The following ADRA1A variants were observed in gnomAD, a reference collection of about 807,000 sequenced individuals.
ADRA1A encodes the protein alpha-1A adrenergic receptor.
ADRA1A carries 31 observed loss-of-function variants against 29.6 expected under a neutral mutation model. The ratio of observed to expected loss-of-function variants is 1.05; its 90% CI spans 0.79 to 1.41. The LOEUF is 1.41. ADRA1A is among the 40% of genes most tolerant of loss of function. The probability of loss-of-function intolerance (pLI) is 0.00; values close to 1 mark genes in which losing one functional copy is unlikely to be tolerated. For missense variants in ADRA1A, 619 were observed against 601.1 expected, an observed-to-expected ratio of 1.03 and a Z score of -0.31; for synonymous variants, 311 against 254.3, an observed-to-expected ratio of 1.22 and a Z score of -2.12.
chr8:26,812,606 A>G (rs2130546937), intron 2 of ADRA1A, among the ~76,000 whole-genome samples: 1 of 151,172 alleles, frequency 6.6e-6, no homozygotes, highest in South Asian at 2.1e-4. Flanking sequence ...TAATACATCC[A>G]AAAAAGGGAG....
intron 2 of ADRA1A, among the ~76,000 whole-genome samples, chr8:26,790,425 G>C (rs1807733093): frequency 6.6e-6 from 1 of 152,132 alleles, no homozygotes; most frequent in African/African-American, 2.4e-5. Context: ...TAGAAGCAGA[G>C]ATTAGAATAG....
chr8:26,804,821 A>G (rs1356635488), intron 2 of ADRA1A, among the ~76,000 whole-genome samples: 2 of 152,210 alleles, frequency 1.3e-5, no homozygotes, highest in African/African-American at 4.8e-5. Flanking sequence ...GTGAAAAATA[A>G]TAGTAATTAT....
chr8:26,856,577 C>T (rs1813063468), intron 2 of ADRA1A, among the ~76,000 whole-genome samples: 1 of 152,184 alleles, frequency 6.6e-6, no homozygotes, highest in African/African-American at 2.4e-5. Context: ...AAGCCAGCCC[C>T]ACTAAAGTCT....
rs896096585 is a variant in ADRA1A, at chr8:26,821,338, C to T, written c.883+42749G>A. Among the ~76,000 whole-genome samples, 1 of 152,104 alleles carries T rather than the reference C, an allele frequency of 6.6e-6. No individual in the cohort carries two copies. The highest frequency in any genetic ancestry group is 2.4e-5 in the African/African-American group (1 of 41,410). ...GTGAGGGCCTCAGGAAGCATACAGTCATGGTGGAAGGCTAAGGGAGAGCAG... is the reference window on the plus strand; with the variant it reads ...GTGAGGGCCTCAGGAAGCATACAGTTATGGTGGAAGGCTAAGGGAGAGCAG... On this transcript the variant is annotated intron_variant, in intron 2 of 2. Coordinates refer to ENST00000380573, the MANE Select transcript of ADRA1A (RefSeq NM_000680.4). The surrounding 1 kb of genome is among the most constrained non-coding windows in gnomAD (Gnocchi z 5.6).
chr8:26,784,775 A>G (rs1807253846), intron 2 of ADRA1A, among the ~76,000 whole-genome samples: 2 of 152,292 alleles, frequency 1.3e-5, no homozygotes, highest in Middle Eastern at 3.4e-3. Context: ...AAGAATAACT[A>G]AAGAAGAAGG....
intron 2 of ADRA1A, among the ~76,000 whole-genome samples, chr8:26,788,253 T>C (rs2130401192): frequency 6.6e-6 from 1 of 152,246 alleles, no homozygotes; most frequent in African/African-American, 2.4e-5. Flanking sequence ...AAATAATAGG[T>C]GTGTTTCTAC....
Position 26,841,933 on chromosome 8 carries a change from CGTT to C in ADRA1A, c.883+22151_883+22153del, listed in dbSNP as rs747689769. 3.9e-5 allele frequency among the ~76,000 whole-genome samples: 6 copies of C among 152,136 alleles called. No homozygotes were observed. The highest frequency in any genetic ancestry group is 8.8e-5 in the Non-Finnish European group (6 of 68,028). On this transcript the variant is annotated intron_variant, in intron 2 of 2. Transcript: ENST00000380573. The surrounding 1 kb of genome is among the most constrained non-coding windows in gnomAD (Gnocchi z 4.4). ...TGGTGAGTCTCCCACTTTTCCAAAA[CGTT>C]GTGCAAGTTCTGCTTGTTTTTTCTT...
rs1585871437 is a variant in ADRA1A at position 26,865,078 on chromosome 8, C to A, written c.-109G>T. 6.7e-7 allele frequency: 1 copy of A among 1,503,062 alleles called. No homozygotes were observed. Among genetic ancestry groups the A allele is most frequent in the East Asian group, 2.3e-5 (1 of 44,070 alleles). 93.1% of individuals were successfully genotyped at this position (1,503,062 alleles called of 1,614,324 possible). ...ATCAAAAGGTCTCGGCTGGAGGGAG[C>A]CCTGCCAGGTGGGTTTGGCTGGGGG... is the stretch of plus-strand genomic sequence containing the variant. On this transcript the variant is annotated 5_prime_UTR_variant, in exon 2 of 3. Coordinates refer to ENST00000380573, the MANE Select transcript of ADRA1A (RefSeq NM_000680.4). This position sits in a 1 kb window ranked among gnomAD's most constrained non-coding sequence, Gnocchi z 7.6.
Position 26,865,562 on chromosome 8 carries a change from C to G in ADRA1A, c.-593G>C. 1.0e-6 allele frequency: 1 copy of G among 991,650 alleles called. No individual in the cohort carries two copies. Among genetic ancestry groups the G allele is most frequent in the Non-Finnish European group, 1.2e-6 (1 of 833,828 alleles). 61.4% of individuals were successfully genotyped at this position (991,650 alleles called of 1,614,324 possible). ...AGCTGCCCCACCGAAGGCTCCTGCT[C>G]TCTCCAGCTTCTAGGAGCACAGGTC... On this transcript the variant is annotated 5_prime_UTR_variant, in exon 2 of 3. Transcript: ENST00000380573. The surrounding 1 kb of genome is among the most constrained non-coding windows in gnomAD (Gnocchi z 7.6).
intron 2 of ADRA1A, among the ~76,000 whole-genome samples, chr8:26,839,395 T>G (rs1183332857): frequency 6.6e-6 from 1 of 152,124 alleles, no homozygotes; most frequent in Non-Finnish European, 1.5e-5. Flanking sequence ...CCTGACCTTG[T>G]GATCCACCTG....
intron 2 of ADRA1A, among the ~76,000 whole-genome samples, chr8:26,844,783 C>G (rs1359961014): frequency 6.6e-6 from 1 of 152,124 alleles, no homozygotes; most frequent in East Asian, 1.9e-4. Context: ...GAAACTATAA[C>G]TCTTAGGAGA....
chr8:26,759,779 C>T (rs148910494), intron 2 of ADRA1A, among the ~76,000 whole-genome samples: 151 of 152,314 alleles, frequency 9.9e-4, no homozygotes, highest in African/African-American at 3.4e-3. Flanking sequence ...GGAGAAGAAA[C>T]GCAATTTTTA....
At chr8:26,768,295 TA>T (rs1805900631), downstream of ADRA1A, among the ~76,000 whole-genome samples, 1 of 152,212 alleles carries the variant, frequency 6.6e-6, no homozygotes, top group African/African-American at 2.4e-5. Flanking sequence ...TTGAATTTGT[TA>T]GAGGAAATTA....
downstream of ADRA1A, among the ~76,000 whole-genome samples, chr8:26,764,331 A>G (rs1376006164): frequency 1.3e-5 from 2 of 152,204 alleles, no homozygotes; most frequent in East Asian, 3.9e-4. Flanking sequence ...TGCTGCTGCC[A>G]TCTAGGGAGA....
chr8:26,809,927 T>C (rs1334316520), intron 2 of ADRA1A, among the ~76,000 whole-genome samples: 1 of 152,252 alleles, frequency 6.6e-6, no homozygotes. Context: ...ACTTCCTAGA[T>C]TGTTCATGGA....
chr8:26,780,808 C>T (rs1563247357), intron 2 of ADRA1A, among the ~76,000 whole-genome samples: 1 of 152,180 alleles, frequency 6.6e-6, no homozygotes, highest in Non-Finnish European at 1.5e-5. Context: ...GGAGCACCAA[C>T]CCTATCGTGA....
chr8:26,823,993 A>C lies in ADRA1A; in HGVS notation c.883+40094T>G, dbSNP rs1810365507. On this transcript the variant is annotated intron_variant, in intron 2 of 2. Transcript: ENST00000380573. The surrounding 1 kb of genome is among the most constrained non-coding windows in gnomAD (Gnocchi z 4.2). ...GGCTGGAAAATGGAGTGCCCAATGAATAGAGCTGCTTCTTTCTCCTCCCCC... is the reference window on the plus strand; with the variant it reads ...GGCTGGAAAATGGAGTGCCCAATGACTAGAGCTGCTTCTTTCTCCTCCCCC... Among the ~76,000 whole-genome samples the C allele has an allele frequency of 6.6e-6, 1 of 152,124 alleles. No individual in the cohort carries two copies. Among genetic ancestry groups the C allele is most frequent in the Non-Finnish European group, 1.5e-5 (1 of 68,022 alleles).
chr8:26,831,525 A>T lies in ADRA1A; in HGVS notation c.883+32562T>A, dbSNP rs933542432. ...ATCATGGCCAGTTTGGAAAGGGTGT[A>T]GAGGTCACGGAAGTGTCAGGTCACA... is the stretch of plus-strand genomic sequence containing the variant. On this transcript the variant is annotated intron_variant, in intron 2 of 2. Coordinates refer to ENST00000380573, the MANE Select transcript of ADRA1A (RefSeq NM_000680.4). The surrounding 1 kb of genome is among the most constrained non-coding windows in gnomAD (Gnocchi z 5.2). Among the ~76,000 whole-genome samples, 6 of 152,194 alleles carry T rather than the reference A, an allele frequency of 3.9e-5. No homozygotes were observed. Among genetic ancestry groups the T allele is most frequent in the Non-Finnish European group, 7.3e-5 (5 of 68,032 alleles).
chr8:26,758,720 A>G (rs1805335641), intron 2 of ADRA1A, among the ~76,000 whole-genome samples: 1 of 152,174 alleles, frequency 6.6e-6, no homozygotes, highest in South Asian at 2.1e-4. Context: ...TAGCATGGGC[A>G]TTGGGGTGGA....
Sources: allele counts gnomAD v4.1 joint callset (sites outside exome capture counted in the v4.1 genomes callset), GRCh38; gene constraint gnomAD v4.1.1; non-coding constraint Gnocchi (gnomAD v3.1); transcripts MANE v1.5; gene names NCBI Gene and HGNC (gene_info 2026-07-23, HGNC 2026-07-21).